Variants in GPRIN3 observed in about 807,000 individuals in gnomAD.
GPRIN3 encodes GPRIN family member 3.
A neutral mutation model predicts 13.7 loss-of-function variants in GPRIN3; 12 were observed. The ratio of observed to expected loss-of-function variants is 0.87; its 90% confidence interval spans 0.56 to 1.42. The LOEUF is 1.42. Among genes scored for constraint, GPRIN3 ranks in the 40% most tolerant of loss-of-function variants. The pLI is 0.00. For missense variants in GPRIN3, 1,009 were observed against 958.7 expected, an observed-to-expected ratio of 1.05 and a Z score of -0.69; for synonymous variants, 377 against 372.7, an observed-to-expected ratio of 1.01 and a Z score of -0.13.
chr4:89,297,671 G>C (rs531370349), intron 1 of GPRIN3, among the ~76,000 whole-genome samples: 5 of 152,328 alleles, frequency 3.3e-5, no homozygotes, highest in African/African-American at 9.6e-5. Context: ...TGAAGCCCTG[G>C]AGAGGGAGAC....
intron 1 of GPRIN3, among the ~76,000 whole-genome samples, chr4:89,284,021 A>G (rs1006346317): frequency 2.0e-5 from 3 of 152,192 alleles, no homozygotes; most frequent in African/African-American, 4.8e-5. Context: ...AATGCGAAGG[A>G]TGAAAGAATG....
chr4:89,299,719 C>T (rs1203156033), intron 1 of GPRIN3, among the ~76,000 whole-genome samples: 7 of 152,062 alleles, frequency 4.6e-5, no homozygotes, highest in African/African-American at 7.2e-5. Flanking sequence ...AGCTGGGATA[C>T]GAGTTGATAC....
chr4:89,270,602 A>ATATATAT (rs1561205844), intron 1 of GPRIN3, among the ~76,000 whole-genome samples: 32 of 55,582 alleles, frequency 5.8e-4, no homozygotes, highest in African/African-American at 2.9e-3. Flanking sequence ...TATATATATA[A>ATATATAT]AATATAGATA....
intron 1 of GPRIN3, among the ~76,000 whole-genome samples, chr4:89,304,353 G>T (rs934927760): frequency 1.1e-4 from 17 of 152,074 alleles, no homozygotes; most frequent in Admixed American, 2.0e-4. Context: ...TTTGGAAAAT[G>T]ATGTATAATG....
chr4:89,245,916 T>A lies in GPRIN3; in HGVS notation c.*1864A>T, dbSNP rs1217291884. 1 of 152,184 alleles carries A rather than the reference T, an allele frequency of 6.6e-6. No individual in the cohort carries two copies. Among genetic ancestry groups the A allele is most frequent in the Non-Finnish European group, 1.5e-5 (1 of 68,036 alleles). 9.4% of individuals were successfully genotyped at this position (152,184 alleles called of 1,614,324 possible). A position where few individuals can be genotyped will look rare whatever the true frequency, so the allele number is the denominator to read the frequency against. ...CACCAATGGGTAAGAAACTGAAAAA[T>A]GTGCCTTATTAAAAAATTCCTTCTA... On this transcript the variant is annotated 3_prime_UTR_variant, in exon 2 of 2. Transcript: ENST00000609438.
chr4:89,250,017 A>G lies in GPRIN3; in HGVS notation c.94T>C (p.Ser32Pro), dbSNP rs759822375. The G allele has an allele frequency of 3.7e-6, 6 of 1,614,096 alleles. No homozygotes were observed. The African/African-American group carries it at 5.3e-5, about 14-fold the overall frequency. Reference sequence around the variant, plus strand: ...AGGAGAGCTGGTCGATGCCGAGGTGAGGCAGCCTGTGGCTCTCCTAGATCG... The same window carrying G: ...AGGAGAGCTGGTCGATGCCGAGGTGGGGCAGCCTGTGGCTCTCCTAGATCG... ...EDDLGEPQAA[S>P]PRHRPALLCK... is the part of the protein sequence containing the mutation. The change falls in exon 2 of 2, where the codon TCA (serine) becomes CCA (proline). Residue 32 changes from serine (S) to proline (P), a missense_variant. Coordinates refer to ENST00000609438, the MANE Select transcript of GPRIN3 (RefSeq NM_198281.3).
chr4:89,282,131 T>C (rs1578103342), intron 1 of GPRIN3, among the ~76,000 whole-genome samples: 1 of 152,300 alleles, frequency 6.6e-6, no homozygotes, highest in East Asian at 1.9e-4. Flanking sequence ...TCGTGTATAA[T>C]GCATTGCCAA....
intron 1 of GPRIN3, among the ~76,000 whole-genome samples, chr4:89,278,076 G>A (rs1724142553): frequency 6.6e-6 from 1 of 152,150 alleles, no homozygotes. Context: ...CTCAGTGTCA[G>A]ACAGAAGTTG....
Position 89,249,131 on chromosome 4 carries a change from C to T in GPRIN3, c.980G>A (p.Ser327Asn), listed in dbSNP as rs753017471. ...WQDAEVQAVASVESRSVSTSP... is the reference protein window; with the variant it reads ...WQDAEVQAVANVESRSVSTSP... ...GGTGGAGACGGATCTGCTCTCGACA[C>T]TCGCCACTGCCTGCACCTCCGCATC... Residue 327 changes from serine (S) to asparagine (N), a missense_variant, in exon 2 of 2, where the codon AGT (serine) becomes AAT (asparagine). Coordinates refer to ENST00000609438, the MANE Select transcript of GPRIN3 (RefSeq NM_198281.3). The T allele has an allele frequency of 1.1e-5, 18 of 1,614,090 alleles. No individual in the cohort carries two copies. Among genetic ancestry groups the T allele is most frequent in the Non-Finnish European group, 1.5e-5 (18 of 1,180,032 alleles).
At chr4:89,254,762 G>A (rs1369537380) in intron 1 of GPRIN3, among the ~76,000 whole-genome samples, 2 of 152,156 alleles carry the variant, frequency 1.3e-5, no homozygotes, top group African/African-American at 4.8e-5. Flanking sequence ...TTGCTGGGTT[G>A]AATGGTAGTT....
chr4:89,293,900 A>G (rs1724659099), intron 1 of GPRIN3, among the ~76,000 whole-genome samples: 1 of 152,238 alleles, frequency 6.6e-6, no homozygotes. Context: ...TATTCAGAAT[A>G]TGTACTTGGT....
intron 1 of GPRIN3, among the ~76,000 whole-genome samples, chr4:89,306,373 A>G (rs1050711013): frequency 1.3e-5 from 2 of 152,202 alleles, no homozygotes; most frequent in African/African-American, 4.8e-5. Flanking sequence ...CACCAACAAG[A>G]GCAAACAAAA....
chr4:89,290,135 T>A (rs1438126439), intron 1 of GPRIN3, among the ~76,000 whole-genome samples: 2 of 151,588 alleles, frequency 1.3e-5, no homozygotes, highest in Non-Finnish European at 2.9e-5. Flanking sequence ...CATGCCCGGC[T>A]AATTTCTGTA....
intron 1 of GPRIN3, among the ~76,000 whole-genome samples, chr4:89,280,003 CG>C (rs1724201541): frequency 6.6e-6 from 1 of 152,114 alleles, no homozygotes; most frequent in African/African-American, 2.4e-5. Context: ...AAAACTCATC[CG>C]TTTTCACTTC....
chr4:89,292,454 C>T lies in GPRIN3; in HGVS notation c.-124+15161G>A, dbSNP rs188172864. On this transcript the variant is annotated intron_variant, in intron 1 of 1. Coordinates refer to ENST00000609438, the MANE Select transcript of GPRIN3 (RefSeq NM_198281.3). ...AAGAATTATTAATTAATTAACTTCA[C>T]AAATTAGATCACATATATTTCAATG... 3.3e-3 allele frequency among the ~76,000 whole-genome samples: 499 copies of T among 152,200 alleles called. 2 individuals carry two copies. Among genetic ancestry groups the T allele is most frequent in the Non-Finnish European group, 3.0e-3 (202 of 68,000 alleles).
chr4:89,284,366 T>C (rs1724341401), intron 1 of GPRIN3, among the ~76,000 whole-genome samples: 2 of 152,316 alleles, frequency 1.3e-5, no homozygotes, highest in South Asian at 2.1e-4. Context: ...TAACAATGCC[T>C]CTAGGATCAG....
intron 1 of GPRIN3, chr4:89,250,976 A>G (rs1723310058): frequency 6.6e-6 from 1 of 152,282 alleles, no homozygotes; most frequent in East Asian, 1.9e-4. Flanking sequence ...TAGGTGACTA[A>G]ATAAAATTCA....
intron 1 of GPRIN3, among the ~76,000 whole-genome samples, chr4:89,305,165 C>T (rs1429751344): frequency 6.6e-6 from 1 of 152,168 alleles, no homozygotes; most frequent in Non-Finnish European, 1.5e-5. Context: ...TTTATGTACT[C>T]ACACTGTTTT....
intron 1 of GPRIN3, among the ~76,000 whole-genome samples, chr4:89,289,165 G>A (rs1724503848): frequency 6.7e-6 from 1 of 148,944 alleles, no homozygotes; most frequent in Admixed American, 6.8e-5. Context: ...GTATCTAATG[G>A]TACTGACCTT....
Sources: allele counts gnomAD v4.1 joint callset (sites outside exome capture counted in the v4.1 genomes callset), GRCh38; gene constraint gnomAD v4.1.1; transcripts MANE v1.5; gene names NCBI Gene and HGNC (gene_info 2026-07-23, HGNC 2026-07-21).